Variants in TTC7B observed in about 807,000 individuals in gnomAD.
TTC7B encodes tetratricopeptide repeat domain 7B, also known as tetratricopeptide repeat protein 7B.
Under a neutral mutation model 106.8 loss-of-function variants are expected in TTC7B, and 28 were observed. The ratio of observed to expected loss-of-function variants is 0.26; its 90% CI spans 0.19 to 0.36. The LOEUF is 0.36. TTC7B is among the 10% of genes least tolerant of loss of function. The pLI, the probability that TTC7B is intolerant of heterozygous loss-of-function variation, is 1.00. For missense variants in TTC7B, 862 were observed against 1,076.4 expected (o/e 0.80, Z 2.79); for synonymous variants, 405 against 430.6 (o/e 0.94, Z 0.74).
intron 2 of TTC7B, among the ~76,000 whole-genome samples, chr14:90,781,582 A>C (rs553013344): frequency 6.6e-6 from 1 of 152,322 alleles, no homozygotes; most frequent in South Asian, 2.1e-4. Flanking sequence ...CACCTGTCTC[A>C]GAAAAGGAAG....
intron 4 of TTC7B, among the ~76,000 whole-genome samples, chr14:90,741,566 G>A (rs1293685476): frequency 6.6e-6 from 1 of 152,090 alleles, no homozygotes. Flanking sequence ...AGCCCTATTT[G>A]CCTTGGATTG....
At chr14:90,640,853 C>A (rs181183047) in intron 15 of TTC7B, among the ~76,000 whole-genome samples, 198 of 152,316 alleles carry the variant, frequency 1.3e-3, no homozygotes, top group African/African-American at 4.1e-3. Flanking sequence ...TAGTGACTTG[C>A]TCAAGGTCAC....
chr14:90,651,158 C>A (rs1016942138), intron 13 of TTC7B, among the ~76,000 whole-genome samples: 3 of 152,202 alleles, frequency 2.0e-5, no homozygotes, highest in African/African-American at 7.2e-5. Context: ...TAATACAAAT[C>A]ATTTTCACTT....
intron 12 of TTC7B, 122 bp downstream of exon 12, chr14:90,654,871 C>T: frequency 1.3e-6 from 1 of 774,632 alleles, no homozygotes; most frequent in Admixed American, 2.3e-5. Flanking sequence ...CCGGATGGCA[C>T]ACCAGAATGC....
chr14:90,710,050 C>A (rs2983728), intron 5 of TTC7B, among the ~76,000 whole-genome samples: 3 of 120,056 alleles, frequency 2.5e-5, no homozygotes, highest in African/African-American at 6.2e-5. Context: ...ATAAACTTTT[C>A]TACTTGAAAA....
rs1250341312 is a variant in TTC7B, at chr14:90,775,060, T to A, written c.445+5678A>T. On this transcript the variant is annotated intron_variant, in intron 3 of 19. Coordinates refer to ENST00000328459, the MANE Select transcript of TTC7B (RefSeq NM_001010854.2). ...TTCTGTCTCAAAAAAAAAAAAAAAA[T>A]TCTCCCCGTAAATGTAGGGATCCCA... 1.4e-4 allele frequency among the ~76,000 whole-genome samples: 21 copies of A among 149,922 alleles called. No homozygotes were observed. The East Asian group carries it at 3.9e-3, about 28-fold the overall frequency.
At chr14:90,593,046 T>C (rs1277144787) in intron 18 of TTC7B, among the ~76,000 whole-genome samples, 2 of 152,174 alleles carry the variant, frequency 1.3e-5, no homozygotes, top group African/African-American at 4.8e-5. Context: ...TCATCAACCC[T>C]GGGAGATGGG....
chr14:90,729,008 G>A (rs1889221634), intron 5 of TTC7B, among the ~76,000 whole-genome samples: 2 of 152,356 alleles, frequency 1.3e-5, no homozygotes, highest in East Asian at 3.9e-4. Context: ...TGGCAGATGA[G>A]ATCGAATGCA....
rs954223652 is a variant in TTC7B at position 90,786,281 on chromosome 14, G to A, written c.169C>T (p.Leu57=). The change falls in exon 2 of 20, where the codon CTG becomes TTG. Residue 57 remains leucine, a synonymous_variant. Transcript: ENST00000328459. ...LLGESKLEQY[L]KEHPLRQGAS... is the part of the protein sequence containing the mutation. ...CCCTGCCTCAGGGGGTGTTCCTTCAGGTACTGCTCCAGCTTCGACTCCCCG... is the reference window on the plus strand; with the variant it reads ...CCCTGCCTCAGGGGGTGTTCCTTCAAGTACTGCTCCAGCTTCGACTCCCCG... 6.2e-7 allele frequency: 1 copy of A among 1,613,284 alleles called. No individual in the cohort carries two copies. Among genetic ancestry groups the A allele is most frequent in the African/African-American group, 1.3e-5 (1 of 74,862 alleles).
At chr14:90,762,230 C>T (rs1049284532) in intron 3 of TTC7B, among the ~76,000 whole-genome samples, 1 of 152,194 alleles carries the variant, frequency 6.6e-6, no homozygotes, top group Non-Finnish European at 1.5e-5. Flanking sequence ...TGAAGAGACA[C>T]CATTGCTGGC....
chr14:90,752,794 C>G (rs1463996125), intron 3 of TTC7B, among the ~76,000 whole-genome samples: 1 of 152,218 alleles, frequency 6.6e-6, no homozygotes, highest in Non-Finnish European at 1.5e-5. Flanking sequence ...TATCTGACTA[C>G]AAAGTGTTGC....
intron 1 of TTC7B, among the ~76,000 whole-genome samples, chr14:90,787,432 G>A (rs1312869394): frequency 6.6e-6 from 1 of 152,148 alleles, no homozygotes; most frequent in African/African-American, 2.4e-5. Flanking sequence ...GTTTTAAAAG[G>A]TCTGGAAGGA....
chr14:90,677,952 T>A (rs1595273136), intron 8 of TTC7B: 2 of 392,056 alleles, frequency 5.1e-6, no homozygotes, highest in East Asian at 1.5e-4. Flanking sequence ...GTTTTTCTTG[T>A]TAGGAGTCCC....
Position 90,808,602 on chromosome 14 carries a change from G to A in TTC7B, c.121+7573C>T, listed in dbSNP as rs1452891703. On this transcript the variant is annotated intron_variant, in intron 1 of 19. Transcript: ENST00000328459. The surrounding 1 kb of genome is among the most constrained non-coding windows in gnomAD (Gnocchi z 4.2). Reference sequence around the variant, plus strand: ...CCACTCCATTAGCTTTCCTGTGGCTGTGGCCGTCTTTCATATTTTATATGG... The same window carrying A: ...CCACTCCATTAGCTTTCCTGTGGCTATGGCCGTCTTTCATATTTTATATGG... 6.6e-6 allele frequency among the ~76,000 whole-genome samples: 1 copy of A among 152,192 alleles called. No individual in the cohort carries two copies. Among genetic ancestry groups the A allele is most frequent in the Non-Finnish European group, 1.5e-5 (1 of 68,044 alleles).
chr14:90,683,588 C>T (rs1647281242), intron 7 of TTC7B, among the ~76,000 whole-genome samples: 1 of 152,172 alleles, frequency 6.6e-6, no homozygotes, highest in South Asian at 2.1e-4. Context: ...ATCGAGGCCT[C>T]ACCACGCTTC....
At chr14:90,763,841 A>C (rs959889585) in intron 3 of TTC7B, among the ~76,000 whole-genome samples, 2 of 152,252 alleles carry the variant, frequency 1.3e-5, no homozygotes, top group African/African-American at 4.8e-5. Flanking sequence ...TTTTTGAAAG[A>C]AATTAAAGAA....
intron 13 of TTC7B, chr14:90,648,758 GTTTA>G (rs1387932502): frequency 6.6e-6 from 1 of 152,142 alleles, no homozygotes; most frequent in Non-Finnish European, 1.5e-5. Context: ...TTTCTTTGGT[GTTTA>G]TAAAAGTGAG....
intron 4 of TTC7B, among the ~76,000 whole-genome samples, chr14:90,731,298 A>G (rs1889319454): frequency 6.6e-6 from 1 of 152,094 alleles, no homozygotes; most frequent in Non-Finnish European, 1.5e-5. Flanking sequence ...TCTCAGAGGA[A>G]AGCCTACTTG....
chr14:90,568,667 G>A (rs1890895184), intron 19 of TTC7B, among the ~76,000 whole-genome samples: 1 of 152,194 alleles, frequency 6.6e-6, no homozygotes, highest in Non-Finnish European at 1.5e-5. Flanking sequence ...CCAGCACTGA[G>A]AAAAATGCTG....
Sources: gnomAD v4.1 joint callset for allele counts (sites outside exome capture counted in the v4.1 genomes callset) on GRCh38, gnomAD v4.1.1 for gene constraint, Gnocchi (gnomAD v3.1) non-coding constraint, MANE v1.5 for transcripts, NCBI Gene and HGNC (gene_info 2026-07-23, HGNC 2026-07-21) for gene names.